The following PPM1E variants were observed in gnomAD, a reference collection of about 807,000 sequenced individuals.
PPM1E encodes the protein protein phosphatase 1E.
A neutral mutation model predicts 65.9 loss-of-function variants in PPM1E; 20 were observed. The ratio of observed to expected loss-of-function variants is 0.30; its 90% CI spans 0.21 to 0.44. The LOEUF (loss-of-function observed/expected upper bound fraction) is 0.44, where lower values mean the gene tolerates loss of function less well. Among genes scored for constraint, PPM1E ranks in the 20% least tolerant of loss-of-function variants. The pLI is 1.00. For synonymous variants in PPM1E, 352 were observed against 374.9 expected, an observed-to-expected ratio of 0.94 and a Z score of 0.70; for missense variants, 713 against 953.1, an observed-to-expected ratio of 0.75 and a Z score of 3.32.
intron 1 of PPM1E, among the ~76,000 whole-genome samples, chr17:58,815,673 T>C (rs2050408111): frequency 6.6e-6 from 1 of 152,206 alleles, no homozygotes; most frequent in Non-Finnish European, 1.5e-5. Flanking sequence ...GATTATGTAC[T>C]AGAGCTGATT....
intron 4 of PPM1E, among the ~76,000 whole-genome samples, chr17:58,970,670 C>T (rs1863622184): frequency 6.6e-6 from 1 of 152,148 alleles, no homozygotes; most frequent in Admixed American, 6.5e-5. Context: ...CTTCATCTCT[C>T]CCCTCCCCTA....
intron 1 of PPM1E, among the ~76,000 whole-genome samples, chr17:58,767,933 C>T (rs1022805478): frequency 1.1e-4 from 16 of 151,144 alleles, no homozygotes; most frequent in Non-Finnish European, 1.8e-4. Flanking sequence ...TGAGCCACCA[C>T]GCCCAGCCTA....
chr17:58,848,421 G>C (rs1300411413), intron 1 of PPM1E, among the ~76,000 whole-genome samples: 1 of 152,210 alleles, frequency 6.6e-6, no homozygotes, highest in South Asian at 2.1e-4. Flanking sequence ...GTCATAAATA[G>C]CTCTTATTAT....
chr17:58,824,342 A>G (rs992501597), intron 1 of PPM1E, among the ~76,000 whole-genome samples: 1 of 152,200 alleles, frequency 6.6e-6, no homozygotes, highest in Non-Finnish European at 1.5e-5. Flanking sequence ...ACATAGGCAC[A>G]GATCCTATCT....
intron 1 of PPM1E, among the ~76,000 whole-genome samples, chr17:58,934,159 C>G (rs2051944562): frequency 6.6e-6 from 1 of 151,164 alleles, no homozygotes. Flanking sequence ...TTGATAGCCT[C>G]TGCAGCTTAG....
chr17:58,841,668 G>A (rs1490511667), intron 1 of PPM1E, among the ~76,000 whole-genome samples: 1 of 151,600 alleles, frequency 6.6e-6, no homozygotes, highest in African/African-American at 2.4e-5. Flanking sequence ...TGGGATTACA[G>A]GTGCACACCA....
chr17:58,865,156 G>A (rs1464572313), intron 1 of PPM1E, among the ~76,000 whole-genome samples: 2 of 152,106 alleles, frequency 1.3e-5, no homozygotes, highest in Admixed American at 6.5e-5. Flanking sequence ...TTGGGAGGCC[G>A]AGGCAGATGG....
intron 1 of PPM1E, among the ~76,000 whole-genome samples, chr17:58,879,375 T>C (rs1459756335): frequency 1.3e-5 from 2 of 151,060 alleles, no homozygotes; most frequent in African/African-American, 2.4e-5. Context: ...GCAATCCTGC[T>C]ACCTCAGCTT....
chr17:58,938,346 C>A (rs938143040), intron 1 of PPM1E, among the ~76,000 whole-genome samples: 4 of 152,118 alleles, frequency 2.6e-5, no homozygotes, highest in African/African-American at 9.7e-5. Flanking sequence ...CCTTATATTT[C>A]TGCTCTAATT....
intron 1 of PPM1E, among the ~76,000 whole-genome samples, chr17:58,879,641 C>T (rs901316725): frequency 2.3e-4 from 35 of 150,770 alleles, no homozygotes; most frequent in Non-Finnish European, 3.5e-4. Flanking sequence ...CCTGAGTAGC[C>T]GGGACTACAG....
At position 58,980,945 on chromosome 17, in the gene PPM1E, A is replaced by G. The variant is rs760208338; in HGVS notation, c.2182A>G (p.Lys728Glu). ...TCTGCCATGGAGGCAAAATAGTTGG[A>G]AAGGGTACAGTGAAAACATGAGGAA... Reference protein sequence around the residue: ...SSLPWRQNSWKGYSENMRKLR... With the variant: ...SSLPWRQNSWEGYSENMRKLR... Residue 728 changes from lysine (K) to glutamate (E), a missense_variant, in exon 7 of 7, where the codon AAA becomes GAA. By Grantham distance (56) the Lys-to-Glu change is moderately conservative. Transcript: ENST00000308249. This position sits in a 1 kb window ranked among gnomAD's most constrained non-coding sequence, Gnocchi z 4.7. 21 of 1,614,098 alleles carry G rather than the reference A, an allele frequency of 1.3e-5. No homozygotes were observed. Among genetic ancestry groups the G allele is most frequent in the Non-Finnish European group, 1.8e-5 (21 of 1,180,030 alleles).
chr17:58,812,026 A>G (rs2050373232), intron 1 of PPM1E, among the ~76,000 whole-genome samples: 1 of 152,132 alleles, frequency 6.6e-6, no homozygotes, highest in South Asian at 2.1e-4. Context: ...CCTTAGCTAG[A>G]AAAGAAAAAA....
At chr17:58,819,352 T>C (rs1598590896) in intron 1 of PPM1E, among the ~76,000 whole-genome samples, 1 of 152,308 alleles carries the variant, frequency 6.6e-6, no homozygotes, top group East Asian at 1.9e-4. Context: ...TTTCGCCATG[T>C]AGGCCAGGCT....
chr17:58,811,052 T>A (rs1430123618), intron 1 of PPM1E, among the ~76,000 whole-genome samples: 1 of 152,116 alleles, frequency 6.6e-6, no homozygotes. Flanking sequence ...GAGACGGGGT[T>A]TCGCCATGTT....
chr17:58,900,004 G>A (rs1256395804), intron 1 of PPM1E, among the ~76,000 whole-genome samples: 1 of 151,386 alleles, frequency 6.6e-6, no homozygotes, highest in African/African-American at 2.4e-5. Flanking sequence ...AGACCAACCT[G>A]GGCAACATAG....
intron 1 of PPM1E, among the ~76,000 whole-genome samples, chr17:58,924,014 G>A (rs1413109827): frequency 1.4e-5 from 2 of 147,270 alleles, no homozygotes; most frequent in South Asian, 2.2e-4. Context: ...CACCTCCTGG[G>A]TTCAAGCAAT....
At chr17:58,873,658 A>T (rs200602005) in intron 1 of PPM1E, among the ~76,000 whole-genome samples, 3 of 151,082 alleles carry the variant, frequency 2.0e-5, no homozygotes. Context: ...CAGTGGCACA[A>T]TCATAGCTCA....
chr17:58,876,600 A>G (rs147113065), intron 1 of PPM1E, among the ~76,000 whole-genome samples: 38 of 152,324 alleles, frequency 2.5e-4, no homozygotes, highest in Admixed American at 2.0e-3. Context: ...AATGTAAGGA[A>G]TTAAAACTTG....
rs534905725 is a variant in PPM1E at position 58,916,403 on chromosome 17, C to T, written c.465-39246C>T. Among the ~76,000 whole-genome samples the T allele has an allele frequency of 2.6e-5, 4 of 152,230 alleles. No individual in the cohort carries two copies. The East Asian group carries it at 7.7e-4, about 29-fold the overall frequency. On this transcript the variant is annotated intron_variant, in intron 1 of 6. Transcript: ENST00000308249. ...TAATTCTTGTACATTCTCCACAGGC[C>T]TTTGCTTATGAATTCCTGTCAGTAA...
Sources: allele counts gnomAD v4.1 joint callset (sites outside exome capture counted in the v4.1 genomes callset), GRCh38; gene constraint gnomAD v4.1.1; non-coding constraint Gnocchi (gnomAD v3.1); transcripts MANE v1.5; gene names NCBI Gene and HGNC (gene_info 2026-07-23, HGNC 2026-07-21).